The following CDH7 variants were observed in gnomAD, a reference collection of about 807,000 sequenced individuals.
The protein encoded by CDH7 is cadherin-7.
Under a neutral mutation model 71.8 loss-of-function variants are expected in CDH7, and 25 were observed. That is an observed-to-expected ratio of 0.35 (90% CI 0.25 to 0.49). The LOEUF (loss-of-function observed/expected upper bound fraction) is 0.49, where lower values mean the gene tolerates loss of function less well. Ranked by LOEUF, CDH7 falls within the 20% of genes least tolerant of loss-of-function variation. The pLI, the probability that CDH7 is intolerant of heterozygous loss-of-function variation, is 0.99. For missense variants in CDH7, 862 were observed against 974.6 expected (o/e 0.88, Z 1.54); for synonymous variants, 381 against 363.8 (o/e 1.05, Z -0.54).
intron 6 of CDH7, among the ~76,000 whole-genome samples, chr18:65,826,755 T>A (rs1912145416): frequency 6.6e-6 from 1 of 151,458 alleles, no homozygotes; most frequent in African/African-American, 2.4e-5. Flanking sequence ...GAAATAAATA[T>A]CATTAAAAAA....
chr18:65,879,496 A>T lies in CDH7; in HGVS notation c.1865-905A>T, dbSNP rs931190257. On this transcript the variant is annotated intron_variant, in intron 11 of 11. Transcript: ENST00000397968. ...TACTCTTTTTATTTCATTGTAGTTT[A>T]GTTGAAGTTGCAATGAAATCAAATG... Among the ~76,000 whole-genome samples, 3 of 152,320 alleles carry T rather than the reference A, an allele frequency of 2.0e-5. No homozygotes were observed. The East Asian group carries it at 5.8e-4, about 29-fold the overall frequency.
chr18:65,774,556 TG>T (rs1259498223), intron 2 of CDH7, among the ~76,000 whole-genome samples: 2 of 151,996 alleles, frequency 1.3e-5, no homozygotes, highest in Admixed American at 6.6e-5. Context: ...TGCACAGCTG[TG>T]GGGGCCTGAC....
chr18:65,851,412 T>C (rs982295705), intron 7 of CDH7, among the ~76,000 whole-genome samples: 3 of 152,202 alleles, frequency 2.0e-5, no homozygotes, highest in African/African-American at 2.4e-5. Context: ...ACTGATGATA[T>C]ATTTGTGTTA....
intron 5 of CDH7, among the ~76,000 whole-genome samples, chr18:65,822,601 A>G (rs1911977132): frequency 6.6e-6 from 1 of 152,048 alleles, no homozygotes; most frequent in Admixed American, 6.6e-5. Context: ...GTTGTTGCCA[A>G]TTAATAATAT....
chr18:65,841,219 A>G lies in CDH7; in HGVS notation c.982-2593A>G, dbSNP rs373549327. ...ATCATGCATAATAGTGTGTTTTTTC[A>G]TGACTTTTTAGCATCCAGATGTCTA... is the stretch of plus-strand genomic sequence containing the variant. On this transcript the variant is annotated intron_variant, in intron 6 of 11. Coordinates refer to ENST00000397968, the MANE Select transcript of CDH7 (RefSeq NM_004361.5). Among the ~76,000 whole-genome samples, 12 of 152,182 alleles carry G rather than the reference A, an allele frequency of 7.9e-5. No homozygotes were observed. The South Asian group carries it at 2.5e-3, about 32-fold the overall frequency.
At chr18:65,777,839 A>G (rs1302827889) in intron 2 of CDH7, among the ~76,000 whole-genome samples, 4 of 152,140 alleles carry the variant, frequency 2.6e-5, no homozygotes, top group Non-Finnish European at 5.9e-5. Context: ...GCTTGATTGT[A>G]TCTCTTTGAG....
chr18:65,816,116 T>C (rs1404993633), intron 4 of CDH7, among the ~76,000 whole-genome samples: 3 of 152,202 alleles, frequency 2.0e-5, no homozygotes, highest in East Asian at 1.9e-4. Flanking sequence ...GATTAGATTA[T>C]TAATACTTCA....
At chr18:65,787,085 T>A (rs1568185135) in intron 2 of CDH7, among the ~76,000 whole-genome samples, 1 of 152,120 alleles carries the variant, frequency 6.6e-6, no homozygotes, top group African/African-American at 2.4e-5. Context: ...AGATTCAAGA[T>A]CATTATCATT....
At chr18:65,769,971 A>G (rs1233921006) in intron 2 of CDH7, among the ~76,000 whole-genome samples, 1 of 152,120 alleles carries the variant, frequency 6.6e-6, no homozygotes, top group Non-Finnish European at 1.5e-5. Context: ...AAGCTCTAAA[A>G]TCTTGAAAGA....
At chr18:65,797,431 G>A (rs993775963) in intron 2 of CDH7, among the ~76,000 whole-genome samples, 13 of 152,124 alleles carry the variant, frequency 8.5e-5, no homozygotes, top group Admixed American at 7.9e-4. Context: ...AGGAAAGCAG[G>A]GGATGGAAGT....
At chr18:65,777,047 G>C (rs905769745) in intron 2 of CDH7, among the ~76,000 whole-genome samples, 1 of 152,142 alleles carries the variant, frequency 6.6e-6, no homozygotes, top group African/African-American at 2.4e-5. Flanking sequence ...ACTATTGCCA[G>C]GCTTTTAGGA....
At chr18:65,858,551 A>G (rs1368590376) in intron 8 of CDH7, among the ~76,000 whole-genome samples, 2 of 151,902 alleles carry the variant, frequency 1.3e-5, no homozygotes, top group Non-Finnish European at 2.9e-5. Context: ...TCTTTCAACA[A>G]TTTTCTCATC....
chr18:65,833,874 C>G (rs1182503370), intron 6 of CDH7, among the ~76,000 whole-genome samples: 1 of 152,126 alleles, frequency 6.6e-6, no homozygotes, highest in Non-Finnish European at 1.5e-5. Context: ...TGATTTTGTT[C>G]ACTTAAGAGT....
Position 65,887,437 on chromosome 18 carries a change from C to T in CDH7, c.*6543C>T, listed in dbSNP as rs1334104879. On this transcript the variant is annotated 3_prime_UTR_variant, in exon 12 of 12. Coordinates refer to ENST00000397968, the MANE Select transcript of CDH7 (RefSeq NM_004361.5). ...CCCCCTCCCCCTACCCCACAACAGT[C>T]CCTAGAGTGTGGTGTTCCCCTTCCT... The T allele has an allele frequency of 6.9e-6, 1 of 144,442 alleles. No individual in the cohort carries two copies. The highest frequency in any genetic ancestry group is 2.1e-4 in the East Asian group (1 of 4,682). 8.9% of individuals were successfully genotyped at this position (144,442 alleles called of 1,614,324 possible). A position where few individuals can be genotyped will look rare whatever the true frequency, so the allele number is the denominator to read the frequency against.
chr18:65,880,323 TC>T, intron 11 of CDH7, 77 bp from the exon 12 acceptor site: 2 of 1,424,992 alleles, frequency 1.4e-6, no homozygotes, highest in South Asian at 2.9e-5. Context: ...TAACTCAGCG[TC>T]CTAGGCCTAA....
chr18:65,822,281 T>C, intron 5 of CDH7, 33 bp downstream of exon 5: 1 of 1,558,914 alleles, frequency 6.4e-7, no homozygotes, highest in East Asian at 2.3e-5. Flanking sequence ...ACAAGTGCAA[T>C]AACTTTCCCT....
At chr18:65,873,882 A>G (rs1913997153) in intron 11 of CDH7, among the ~76,000 whole-genome samples, 1 of 152,114 alleles carries the variant, frequency 6.6e-6, no homozygotes, top group Non-Finnish European at 1.5e-5. Context: ...CATATTTTAT[A>G]TTGCTTTATA....
intron 7 of CDH7, among the ~76,000 whole-genome samples, chr18:65,844,819 C>G (rs564501651): frequency 9.2e-5 from 14 of 151,956 alleles, no homozygotes; most frequent in African/African-American, 3.4e-4. Flanking sequence ...AATAAAATGT[C>G]TGTTGTATTA....
At chr18:65,826,145 T>C (rs1025936729) in intron 6 of CDH7, among the ~76,000 whole-genome samples, 1 of 151,522 alleles carries the variant, frequency 6.6e-6, no homozygotes, top group African/African-American at 2.4e-5. Context: ...TTTAGAAAAT[T>C]GCTAGAAAAA....
Sources: allele counts gnomAD v4.1 joint callset (sites outside exome capture counted in the v4.1 genomes callset), GRCh38; gene constraint gnomAD v4.1.1; transcripts MANE v1.5; gene names NCBI Gene and HGNC (gene_info 2026-07-23, HGNC 2026-07-21).